ADGRG5: variants seen among roughly 807,000 people sequenced by gnomAD.
ADGRG5 encodes G protein-coupled receptor 114.
In ADGRG5, 37 loss-of-function variants were observed where a neutral mutation model predicts 53.2. That is an observed-to-expected ratio of 0.70 (90% CI 0.53 to 0.91). The LOEUF (loss-of-function observed/expected upper bound fraction) is 0.91, where lower values mean the gene tolerates loss of function less well. Among genes scored for constraint, ADGRG5 ranks in the 40% least tolerant of loss-of-function variants. The pLI is 0.00. For missense variants in ADGRG5, 614 were observed against 675.8 expected, an observed-to-expected ratio of 0.91 and a Z score of 1.01; for synonymous variants, 277 against 290.4, an observed-to-expected ratio of 0.95 and a Z score of 0.47.
chr16:57,561,152 T>C (rs192360725), intron 1 of ADGRG5, among the ~76,000 whole-genome samples: 2 of 152,320 alleles, frequency 1.3e-5, no homozygotes, highest in East Asian at 3.9e-4. Flanking sequence ...CTCAAGTGCT[T>C]CCAAGGTTGT....
At chr16:57,536,644 G>A in the ADGRG5 span, 3 of 152,172 alleles carry the variant, frequency 2.0e-5, no homozygotes, top group Non-Finnish European at 4.4e-5. Flanking sequence ...GAAGCAGGGG[G>A]AGCGGCGGGG....
chr16:57,562,188 C>A, intron 2 of ADGRG5, 31 bp downstream of exon 2: 1 of 1,571,948 alleles, frequency 6.4e-7, no homozygotes, highest in Non-Finnish European at 8.7e-7. Flanking sequence ...TGGGGGCAGC[C>A]CTAGCCCAGT....
At chr16:57,530,002 G>C in the ADGRG5 span, among the ~76,000 whole-genome samples, 7 of 152,160 alleles carry the variant, frequency 4.6e-5, no homozygotes, top group Non-Finnish European at 2.9e-5. Context: ...AAAGAGTGGA[G>C]GTGAAGAAAA....
chr16:57,570,657 G>T, intron 10 of ADGRG5, 122 bp downstream of exon 10: 1 of 711,128 alleles, frequency 1.4e-6, no homozygotes, highest in Non-Finnish European at 2.4e-6. Context: ...AGGGAGCTGG[G>T]GCTTAGACAG....
At chr16:57,531,580 G>A in the ADGRG5 span, among the ~76,000 whole-genome samples, 1 of 152,016 alleles carries the variant, frequency 6.6e-6, no homozygotes, top group African/African-American at 2.4e-5. Flanking sequence ...CACTCTGATG[G>A]CCCCTCCCTG....
At chr16:57,540,118 C>A (rs2032468306), upstream of ADGRG5, among the ~76,000 whole-genome samples, 1 of 152,046 alleles carries the variant, frequency 6.6e-6, no homozygotes, top group African/African-American at 2.4e-5. Flanking sequence ...TGGTGTGCAC[C>A]TGTAGTCCCA....
the ADGRG5 span, chr16:57,536,614 C>G: frequency 1.3e-5 from 2 of 152,138 alleles, no homozygotes; most frequent in Non-Finnish European, 2.9e-5. Context: ...GGAGTCTCCT[C>G]CTCCCTCCCG....
intron 5 of ADGRG5, 90 bp from the exon 6 acceptor site, chr16:57,564,944 C>G (rs2033095451): frequency 6.8e-6 from 5 of 735,348 alleles, no homozygotes; most frequent in Admixed American, 4.4e-5. Flanking sequence ...AGTCTTGCTG[C>G]TTGTTCTCAT....
upstream of ADGRG5, among the ~76,000 whole-genome samples, chr16:57,540,459 T>C (rs1272449685): frequency 6.6e-6 from 1 of 152,060 alleles, no homozygotes; most frequent in East Asian, 1.9e-4. Flanking sequence ...ACTGAGATGG[T>C]ATGTGGCCTC....
rs764401759 is a variant in ADGRG5 at position 57,576,915 on chromosome 16, A to T, written c.*1377A>T. 3.3e-5 allele frequency: 5 copies of T among 152,150 alleles called. No homozygotes were observed. The highest frequency in any genetic ancestry group is 7.3e-5 in the Non-Finnish European group (5 of 68,038). 9.4% of individuals were successfully genotyped at this position (152,150 alleles called of 1,614,324 possible). On this transcript the variant is annotated 3_prime_UTR_variant, in exon 12 of 12. Coordinates refer to ENST00000349457, the MANE Select transcript of ADGRG5 (RefSeq NM_001304376.3). ...TAGGAGCAGGATTTCCCCTGGGGAA[A>T]AGTTCTCCTGGGACATCTTCTGCTC...
intron 9 of ADGRG5, among the ~76,000 whole-genome samples, chr16:57,568,586 CCACCATCAT>C (rs2033216690): frequency 6.6e-6 from 1 of 151,436 alleles, no homozygotes; most frequent in Non-Finnish European, 1.5e-5. Context: ...ACCACCTCCT[CCACCATCAT>C]CACCATCATC....
intron 1 of ADGRG5, among the ~76,000 whole-genome samples, chr16:57,559,693 C>T (rs1175869972): frequency 6.6e-6 from 1 of 152,032 alleles, no homozygotes; most frequent in African/African-American, 2.4e-5. Flanking sequence ...TTCTAGTTAC[C>T]TCCAGAAACC....
In ADGRG5 at chr16:57,574,209, C is replaced by T. The variant is rs74019572; in HGVS notation, c.1209-606C>T. Among the ~76,000 whole-genome samples the T allele has an allele frequency of 0.028, 4,222 of 152,320 alleles. 200 individuals carry two copies. Among genetic ancestry groups the T allele is most frequent in the African/African-American group, 0.095 (3,965 of 41,564 alleles). ...TGGCTTCGGTTAGTTCTCCATGGCTCTCTGCTCAGCCCTCAGTGGGCTCTC... is the reference window on the plus strand; with the variant it reads ...TGGCTTCGGTTAGTTCTCCATGGCTTTCTGCTCAGCCCTCAGTGGGCTCTC... On this transcript the variant is annotated intron_variant, in intron 10 of 11. Transcript: ENST00000349457. This position sits in a 1 kb window ranked among gnomAD's most constrained non-coding sequence, Gnocchi z 4.4.
chr16:57,559,439 C>G lies in ADGRG5; in HGVS notation c.-38-2617C>G, dbSNP rs1490604614. ...GTTACCATGGGGCCTCTCTCAGGCC[C>G]TGTCCCACTCCACATCATTCTCATG... On this transcript the variant is annotated intron_variant, in intron 1 of 11. Transcript: ENST00000349457. Among the ~76,000 whole-genome samples, 3 of 152,206 alleles carry G rather than the reference C, an allele frequency of 2.0e-5. No homozygotes were observed. In the South Asian group the frequency reaches 6.2e-4, roughly 32 times the overall value.
At position 57,568,017 on chromosome 16, in the gene ADGRG5, G is replaced by A; in HGVS notation, c.983G>A (p.Cys328Tyr). 1 of 1,614,066 alleles carries A rather than the reference G, an allele frequency of 6.2e-7. No individual in the cohort carries two copies. Among genetic ancestry groups the A allele is most frequent in the Non-Finnish European group, 8.5e-7 (1 of 1,179,968 alleles). ...GCCCTGCACTACGCGCTGCTCAGCTGCCTCACCTGGATGGCCATCGAGGGC... is the reference window on the plus strand; with the variant it reads ...GCCCTGCACTACGCGCTGCTCAGCTACCTCACCTGGATGGCCATCGAGGGC... Reference protein sequence around the residue: ...AAALHYALLSCLTWMAIEGFN... With the variant: ...AAALHYALLSYLTWMAIEGFN... Residue 328 changes from cysteine (C) to tyrosine (Y), a missense_variant, in exon 9 of 12, where the codon TGC becomes TAC. Transcript: ENST00000349457.
chr16:57,562,129 C>T lies in ADGRG5; in HGVS notation c.36C>T (p.Cys12=). 6.2e-7 allele frequency: 1 copy of T among 1,602,328 alleles called. No individual in the cohort carries two copies. Among genetic ancestry groups the T allele is most frequent in the Non-Finnish European group, 8.5e-7 (1 of 1,171,730 alleles). The stretch of plus-strand genomic sequence containing the variant: ...GTGGTGCCCTTTTCCTGTGCCTGTG[C>T]CTTCTGACTTTGCAGAATGCAACAA... The part of the protein sequence containing the change: ...DHCGALFLCL[C]LLTLQNATTE... The change falls in exon 2 of 12, where the codon TGC becomes TGT. Residue 12 remains cysteine, a synonymous_variant. Coordinates refer to ENST00000349457, the MANE Select transcript of ADGRG5 (RefSeq NM_001304376.3).
chr16:57,565,037 G>T lies in ADGRG5; in HGVS notation c.433G>T (p.Glu145Ter), dbSNP rs373723798. The T allele has an allele frequency of 1.2e-6, 2 of 1,609,798 alleles. No individual in the cohort carries two copies. Among genetic ancestry groups the T allele is most frequent in the Admixed American group, 3.3e-5 (2 of 59,948 alleles). The stretch of plus-strand genomic sequence containing the variant: ...CCTTCTCCTGCTGCCCTTCCAGGAT[G>T]AAAACAACTCATCTCTGCTGAATAA... ...YFSNTHFFKD[E>*]NNSSLLNNYV... Residue 145 changes from glutamate to a stop codon, truncating the protein, a stop_gained, in exon 6 of 12, where the codon GAA (glutamate) becomes TAA (stop). Coordinates refer to ENST00000349457, the MANE Select transcript of ADGRG5 (RefSeq NM_001304376.3). LOFTEE classifies it high-confidence loss of function.
chr16:57,565,586 C>T (rs1160952067), intron 6 of ADGRG5: 8 of 225,394 alleles, frequency 3.5e-5, no homozygotes, highest in Admixed American at 2.8e-4. Flanking sequence ...GCTCTTCCCC[C>T]GACTCCCCAC....
intron 5 of ADGRG5, among the ~76,000 whole-genome samples, chr16:57,564,728 C>A (rs570011837): frequency 1.3e-5 from 2 of 152,130 alleles, no homozygotes; most frequent in African/African-American, 2.4e-5. Context: ...GGGGAAGGTG[C>A]CTTTCAACCT....
Sources: gnomAD v4.1 joint callset for allele counts (sites outside exome capture counted in the v4.1 genomes callset) on GRCh38, gnomAD v4.1.1 for gene constraint, Gnocchi (gnomAD v3.1) non-coding constraint, MANE v1.5 for transcripts, NCBI Gene and HGNC (gene_info 2026-07-23, HGNC 2026-07-21) for gene names.